The following PCDHA5 variants were observed in gnomAD, a reference collection of about 807,000 sequenced individuals.
PCDHA5 encodes protocadherin alpha 5.
Under a neutral mutation model 61.6 loss-of-function variants are expected in PCDHA5, and 43 were observed. The observed-to-expected ratio is 0.70, with a 90% CI of 0.55 to 0.90. The LOEUF (loss-of-function observed/expected upper bound fraction) is 0.90, where lower values mean the gene tolerates loss of function less well. PCDHA5 is among the 40% of genes least tolerant of loss of function. PCDHA5 has a pLI of 0.00. For synonymous variants in PCDHA5, 627 were observed against 543.9 expected (o/e 1.15, Z -2.13); for missense variants, 1,298 against 1,222.7 (o/e 1.06, Z -0.92).
intron 1 of PCDHA5, chr5:140,829,549 G>A (rs2150169844): frequency 6.2e-7 from 1 of 1,612,924 alleles, no homozygotes; most frequent in Non-Finnish European, 8.5e-7. Flanking sequence ...ACGCGCAGGA[G>A]AACGCGCTGG....
chr5:140,850,559 C>A, intron 1 of PCDHA5: 3 of 1,598,268 alleles, frequency 1.9e-6, no homozygotes, highest in Non-Finnish European at 2.6e-6. Flanking sequence ...GTGCCACGGG[C>A]CCCGAGGTGA....
intron 1 of PCDHA5, chr5:140,863,494 C>A (rs1203332871): frequency 2.3e-5 from 10 of 442,506 alleles, no homozygotes; most frequent in African/African-American, 1.6e-4. Context: ...GTCAACATTA[C>A]GGCTTTTAGT....
At chr5:140,877,798 CT>C (rs782663782) in intron 1 of PCDHA5, 1 of 1,613,568 alleles carries the variant, frequency 6.2e-7, no homozygotes, top group Non-Finnish European at 8.5e-7. Context: ...CAGCCCAAGC[CT>C]TCAGCTGTCT....
At chr5:140,995,689 T>A (rs528829345) in intron 3 of PCDHA5, among the ~76,000 whole-genome samples, 33 of 152,250 alleles carry the variant, frequency 2.2e-4, no homozygotes, top group Admixed American at 6.5e-4. Flanking sequence ...TTTTAATTGT[T>A]AAATAAAGGG....
intron 1 of PCDHA5, chr5:140,829,644 A>T (rs1770465751): frequency 6.2e-7 from 1 of 1,612,124 alleles, no homozygotes; most frequent in South Asian, 1.1e-5. Flanking sequence ...GGCAAGGTGT[A>T]CGCGCTGCAG....
At chr5:140,853,918 C>T in intron 1 of PCDHA5, 3 of 938,954 alleles carry the variant, frequency 3.2e-6, no homozygotes, top group Non-Finnish European at 3.9e-6. Flanking sequence ...CCTGCAATCC[C>T]AACATTTTGG....
chr5:140,984,304 G>A (rs1587007644), intron 3 of PCDHA5, among the ~76,000 whole-genome samples: 1 of 152,168 alleles, frequency 6.6e-6, no homozygotes, highest in Admixed American at 6.5e-5. Context: ...GATGCTGGTT[G>A]GTGTGTATTC....
At chr5:140,850,545 G>C in intron 1 of PCDHA5, 1 of 1,598,382 alleles carries the variant, frequency 6.3e-7, no homozygotes, top group South Asian at 1.1e-5. Context: ...GCGGGCGTCA[G>C]TGGGTGCCAC....
At chr5:140,981,725 A>T (rs1554243280) in intron 2 of PCDHA5, among the ~76,000 whole-genome samples, 1 of 151,396 alleles carries the variant, frequency 6.6e-6, no homozygotes, top group Non-Finnish European at 1.5e-5. Context: ...TCCAACAAAT[A>T]TTTGAGAGAT....
chr5:140,834,178 C>A, intron 1 of PCDHA5: 1 of 557,362 alleles, frequency 1.8e-6, no homozygotes, highest in Non-Finnish European at 3.1e-6. Context: ...ACATGATGGC[C>A]ACATGATGTC....
chr5:140,865,419 T>A (rs1327080302), intron 1 of PCDHA5: 2 of 152,314 alleles, frequency 1.3e-5, no homozygotes, highest in African/African-American at 4.8e-5. Flanking sequence ...ATTAGTAGTG[T>A]CTACCTAGAA....
At chr5:140,942,600 T>A (rs943278532) in intron 1 of PCDHA5, among the ~76,000 whole-genome samples, 2 of 132,144 alleles carry the variant, frequency 1.5e-5, no homozygotes, top group African/African-American at 6.2e-5. Flanking sequence ...ATAATTATAG[T>A]GTTTATATTT....
At chr5:140,993,450 CTTCT>C (rs1279887965) in intron 3 of PCDHA5, among the ~76,000 whole-genome samples, 2 of 137,074 alleles carry the variant, frequency 1.5e-5, no homozygotes, top group South Asian at 2.5e-4. Flanking sequence ...TCCTGTTCTC[CTTCT>C]TTCTTTCTCA....
In PCDHA5 at chr5:140,823,051, G is replaced by A. The variant is rs140107313; in HGVS notation, c.1276G>A (p.Ala426Thr). ...SVSVYELVVT[A>T]RDGGSPSLWA... ...GTCGGTCTATGAGCTGGTGGTGACCGCGCGGGACGGGGGCTCGCCTTCGCT... is the reference window on the plus strand; with the variant it reads ...GTCGGTCTATGAGCTGGTGGTGACCACGCGGGACGGGGGCTCGCCTTCGCT... The change falls in exon 1 of 4, where the codon GCG becomes ACG. Residue 426 changes from alanine to threonine, a missense_variant. Ala to Thr is a moderately conservative substitution (Grantham distance 58). Transcript: ENST00000529859. 10 of 1,614,068 alleles carry A rather than the reference G, an allele frequency of 6.2e-6. No individual in the cohort carries two copies. Among genetic ancestry groups the A allele is most frequent in the Non-Finnish European group, 8.5e-6 (10 of 1,180,058 alleles).
At chr5:140,881,376 C>G in intron 1 of PCDHA5, 5 of 984,754 alleles carry the variant, frequency 5.1e-6, no homozygotes, top group Non-Finnish European at 6.0e-6. Context: ...GAATTGCAGC[C>G]GGCGGCGGTA....
intron 3 of PCDHA5, among the ~76,000 whole-genome samples, chr5:140,997,668 T>TTGTGTGTGTGTGTG (rs35184029): frequency 1.7e-4 from 25 of 148,344 alleles, no homozygotes; most frequent in African/African-American, 6.2e-4. Flanking sequence ...ATTATACAGC[T>TTGTGTGTGTGTGTG]TGTGTGTGTG....
intron 1 of PCDHA5, chr5:140,836,148 C>A: frequency 6.2e-7 from 1 of 1,613,764 alleles, no homozygotes; most frequent in Non-Finnish European, 8.5e-7. Flanking sequence ...GGGCGCGGGC[C>A]ATGTGGTGGC....
intron 1 of PCDHA5, among the ~76,000 whole-genome samples, chr5:140,833,623 C>A (rs2150209911): frequency 2.6e-5 from 4 of 152,064 alleles, no homozygotes; most frequent in Admixed American, 2.6e-4. Context: ...ATTCAGAATA[C>A]TTCCTCCTCA....
chr5:140,938,810 C>G (rs1182517488), intron 1 of PCDHA5, among the ~76,000 whole-genome samples: 1 of 152,030 alleles, frequency 6.6e-6, no homozygotes, highest in Non-Finnish European at 1.5e-5. Context: ...ACCACAAACC[C>G]CTGTGACATG....
Sources: gnomAD v4.1 joint callset for allele counts (sites outside exome capture counted in the v4.1 genomes callset) on GRCh38, gnomAD v4.1.1 for gene constraint, MANE v1.5 for transcripts, NCBI Gene and HGNC (gene_info 2026-07-23, HGNC 2026-07-21) for gene names.